Variants in AUTS2 observed in about 807,000 individuals in gnomAD.
AUTS2 encodes the protein activator of transcription and developmental regulator AUTS2, also known as autism susceptibility gene 2 protein.
A neutral mutation model predicts 112.4 loss-of-function variants in AUTS2; 17 were observed. The observed-to-expected ratio is 0.15, with a 90% CI of 0.10 to 0.23. AUTS2 has a LOEUF of 0.23. Ranked by LOEUF, AUTS2 falls within the 10% of genes least tolerant of loss-of-function variation. AUTS2 has a pLI of 1.00. For missense variants in AUTS2, 1,510 were observed against 1,701.6 expected (o/e 0.89, Z 1.98); for synonymous variants, 751 against 702.7 (o/e 1.07, Z -1.09).
At chr7:69,704,218 C>T (rs558293130) in intron 1 of AUTS2, among the ~76,000 whole-genome samples, 7 of 152,250 alleles carry the variant, frequency 4.6e-5, no homozygotes, top group African/African-American at 1.7e-4. Flanking sequence ...CCATAGGATA[C>T]ACTGTTTTCT....
At chr7:70,451,289 T>C (rs992070467) in intron 5 of AUTS2, among the ~76,000 whole-genome samples, 4 of 152,006 alleles carry the variant, frequency 2.6e-5, no homozygotes, top group Non-Finnish European at 4.4e-5. Context: ...GGTAATGGGA[T>C]CATTAGAAGC....
At chr7:70,423,977 T>C (rs1232129397) in intron 4 of AUTS2, among the ~76,000 whole-genome samples, 1 of 152,232 alleles carries the variant, frequency 6.6e-6, no homozygotes. Flanking sequence ...ATATCTTTCA[T>C]GGAAATAACT....
intron 4 of AUTS2, among the ~76,000 whole-genome samples, chr7:70,276,147 TACGTGC>T (rs1787917689): frequency 6.6e-6 from 1 of 152,182 alleles, no homozygotes; most frequent in South Asian, 2.1e-4. Context: ...TGACATTGAG[TACGTGC>T]TTTGTGATAG....
chr7:70,015,525 G>A (rs976502268), intron 2 of AUTS2, among the ~76,000 whole-genome samples: 1 of 152,092 alleles, frequency 6.6e-6, no homozygotes, highest in African/African-American at 2.4e-5. Context: ...CCCAATAATT[G>A]ACAGAGTACT....
At chr7:70,633,033 G>T (rs979843825) in intron 5 of AUTS2, among the ~76,000 whole-genome samples, 1 of 152,308 alleles carries the variant, frequency 6.6e-6, no homozygotes, top group East Asian at 1.9e-4. Flanking sequence ...ATGGAAATTC[G>T]CATGGGGCGA....
chr7:70,461,684 A>G (rs867742180), intron 5 of AUTS2, among the ~76,000 whole-genome samples: 30 of 152,138 alleles, frequency 2.0e-4, no homozygotes, highest in African/African-American at 6.8e-4. Context: ...CCTCTTTCCA[A>G]CTAAGAAAAC....
At chr7:70,387,017 A>G (rs1412845552) in intron 4 of AUTS2, among the ~76,000 whole-genome samples, 1 of 152,102 alleles carries the variant, frequency 6.6e-6, no homozygotes, top group Non-Finnish European at 1.5e-5. Context: ...CTCCTGTTCT[A>G]GAACCTGGCT....
At chr7:70,006,295 G>A (rs1001106860) in intron 2 of AUTS2, among the ~76,000 whole-genome samples, 1 of 151,902 alleles carries the variant, frequency 6.6e-6, no homozygotes, top group Admixed American at 6.6e-5. Context: ...CTTAGAATTC[G>A]TTTCACATTG....
intron 1 of AUTS2, among the ~76,000 whole-genome samples, chr7:69,774,100 G>A (rs949709498): frequency 3.3e-5 from 5 of 152,204 alleles, no homozygotes; most frequent in African/African-American, 1.2e-4. Flanking sequence ...CATGTCAACA[G>A]GGGTACTGCC....
intron 2 of AUTS2, among the ~76,000 whole-genome samples, chr7:69,905,677 G>C (rs10245786): frequency 0.36 from 54,957 of 151,936 alleles, 10,532 homozygotes; most frequent in African/African-American, 0.49. Flanking sequence ...TTAGTTCACT[G>C]AGACTCACAT....
In AUTS2 at chr7:70,766,205, G is replaced by T; in HGVS notation, c.1560G>T (p.Leu520=). 1 of 1,614,070 alleles carries T rather than the reference G, an allele frequency of 6.2e-7. No homozygotes were observed. The change falls in exon 9 of 19, where the codon CTG becomes CTT. Residue 520 remains leucine (L), a synonymous_variant. Transcript: ENST00000342771. This position sits in a 1 kb window ranked among gnomAD's most constrained non-coding sequence, Gnocchi z 4.8. ...RGASLGPPPY[L]RTEFHQHQHQ... is the part of the protein sequence containing the mutation. Reference sequence around the variant, plus strand: ...CTTCCCTGGGCCCTCCGCCCTACCTGCGGACCGAGTTCCATCAGCACCAGC... The same window carrying T: ...CTTCCCTGGGCCCTCCGCCCTACCTTCGGACCGAGTTCCATCAGCACCAGC...
chr7:69,626,918 T>A (rs1406495919), intron 1 of AUTS2, among the ~76,000 whole-genome samples: 3 of 152,206 alleles, frequency 2.0e-5, no homozygotes, highest in African/African-American at 7.2e-5. Flanking sequence ...TGAAATGTAT[T>A]GCCTGAGCAG....
intron 4 of AUTS2, among the ~76,000 whole-genome samples, chr7:70,142,390 A>G (rs1037082055): frequency 2.0e-5 from 3 of 152,152 alleles, no homozygotes; most frequent in African/African-American, 7.2e-5. Flanking sequence ...ATGTGCAACC[A>G]TTGCTTGTTG....
intron 1 of AUTS2, among the ~76,000 whole-genome samples, chr7:69,712,773 GT>G (rs1798388887): frequency 6.6e-6 from 1 of 152,234 alleles, no homozygotes; most frequent in East Asian, 1.9e-4. Flanking sequence ...GCAGGTGTAT[GT>G]TTAACTTTAC....
chr7:69,725,024 T>A (rs1786440166), intron 1 of AUTS2, among the ~76,000 whole-genome samples: 1 of 152,196 alleles, frequency 6.6e-6, no homozygotes, highest in Non-Finnish European at 1.5e-5. Context: ...CAGTCCTTCA[T>A]AGAGAAGAAT....
intron 2 of AUTS2, among the ~76,000 whole-genome samples, chr7:69,944,638 A>G (rs777205467): frequency 6.6e-6 from 1 of 152,128 alleles, no homozygotes; most frequent in Admixed American, 6.5e-5. Context: ...TGCTTCATCT[A>G]CTTTTTCTTT....
At position 69,666,795 on chromosome 7, in the gene AUTS2, G is replaced by A. The variant is rs552884654; in HGVS notation, c.309+66833G>A. Among the ~76,000 whole-genome samples, 19 of 152,140 alleles carry A rather than the reference G, an allele frequency of 1.2e-4. No homozygotes were observed. The South Asian group carries it at 3.7e-3, about 30-fold the overall frequency. ...TGTACACCTATAGTCATAGCTAGTCGGGAGGCTGAGGTGGGAGGATCGCTT... is the reference window on the plus strand; with the variant it reads ...TGTACACCTATAGTCATAGCTAGTCAGGAGGCTGAGGTGGGAGGATCGCTT... On this transcript the variant is annotated intron_variant, in intron 1 of 18. Coordinates refer to ENST00000342771, the MANE Select transcript of AUTS2 (RefSeq NM_015570.4).
chr7:70,469,850 G>T (rs1327183980), intron 5 of AUTS2, among the ~76,000 whole-genome samples: 1 of 152,132 alleles, frequency 6.6e-6, no homozygotes, highest in Non-Finnish European at 1.5e-5. Flanking sequence ...AGGTTGGCCA[G>T]GCTGGTCTGG....
intron 1 of AUTS2, among the ~76,000 whole-genome samples, chr7:69,823,259 C>G (rs1791081990): frequency 6.6e-6 from 1 of 152,206 alleles, no homozygotes; most frequent in Non-Finnish European, 1.5e-5. Flanking sequence ...TGAGTGGAAG[C>G]TGCAGCTACA....
Sources: gnomAD v4.1 joint callset for allele counts (sites outside exome capture counted in the v4.1 genomes callset) on GRCh38, gnomAD v4.1.1 for gene constraint, Gnocchi (gnomAD v3.1) non-coding constraint, MANE v1.5 for transcripts, NCBI Gene and HGNC (gene_info 2026-07-23, HGNC 2026-07-21) for gene names.